B3GALT1: variants seen among roughly 807,000 people sequenced by gnomAD.
B3GALT1 encodes beta-1,3-galactosyltransferase 1.
B3GALT1 carries 10 observed loss-of-function variants against 23.2 expected under a neutral mutation model. The ratio of observed to expected loss-of-function variants is 0.43; its 90% CI spans 0.27 to 0.73. B3GALT1 has a LOEUF of 0.73. Ranked by LOEUF, B3GALT1 falls within the 30% of genes least tolerant of loss-of-function variation. B3GALT1 has a pLI of 0.21. For synonymous variants in B3GALT1, 156 were observed against 141.5 expected (o/e 1.10, Z -0.73); for missense variants, 299 against 405.4 (o/e 0.74, Z 2.25).
At chr2:167,393,589 A>G (rs1215592575) in intron 1 of B3GALT1, among the ~76,000 whole-genome samples, 1 of 152,222 alleles carries the variant, frequency 6.6e-6, no homozygotes, top group Non-Finnish European at 1.5e-5. Flanking sequence ...TAAAAAGGTA[A>G]ATTATGACAA....
At chr2:167,562,855 A>G (rs1220681163) in intron 2 of B3GALT1, among the ~76,000 whole-genome samples, 3 of 152,046 alleles carry the variant, frequency 2.0e-5, no homozygotes, top group Non-Finnish European at 4.4e-5. Flanking sequence ...ATGACTCTTA[A>G]GGAGCATGCT....
At chr2:167,416,001 GC>G (rs2105298526) in intron 1 of B3GALT1, among the ~76,000 whole-genome samples, 1 of 151,768 alleles carries the variant, frequency 6.6e-6, no homozygotes, top group East Asian at 1.9e-4. Flanking sequence ...GAAAAGAGAA[GC>G]AAAAAAAAAG....
rs980939263 is a variant in B3GALT1 at position 167,873,319 on chromosome 2, T to C, written c.*3299T>C. 6.6e-6 allele frequency: 1 copy of C among 152,202 alleles called. No homozygotes were observed. Among genetic ancestry groups the C allele is most frequent in the African/African-American group, 2.4e-5 (1 of 41,454 alleles). The allele number at this position is 152,202 out of a possible 1,614,324, so 9.4% of individuals were successfully genotyped here. On this transcript the variant is annotated 3_prime_UTR_variant, in exon 5 of 5. Transcript: ENST00000392690. ...TTCTTATATTGGAACAAGTGTCCAT[T>C]TCAATATGTAATATTGTATTTTTAA...
At chr2:167,827,591 C>T (rs34809127) in intron 4 of B3GALT1, among the ~76,000 whole-genome samples, 1 of 152,116 alleles carries the variant, frequency 6.6e-6, no homozygotes, top group Non-Finnish European at 1.5e-5. Context: ...CACCCCACCC[C>T]TTCCCTCTCT....
chr2:167,500,630 A>T (rs1699836842), intron 2 of B3GALT1, among the ~76,000 whole-genome samples: 2 of 114,390 alleles, frequency 1.7e-5, no homozygotes, highest in African/African-American at 8.7e-5. Flanking sequence ...AACTTGACTT[A>T]TAAGGAAAAA....
chr2:167,457,740 C>T (rs963234495), intron 1 of B3GALT1, among the ~76,000 whole-genome samples: 12 of 152,094 alleles, frequency 7.9e-5, no homozygotes, highest in Admixed American at 7.9e-4. Flanking sequence ...TTTGGTGTTA[C>T]TCTGAGTAAA....
chr2:167,346,559 A>G (rs185435536), intron 1 of B3GALT1, among the ~76,000 whole-genome samples: 20 of 152,320 alleles, frequency 1.3e-4, no homozygotes, highest in African/African-American at 4.6e-4. Context: ...GAATTAAGCA[A>G]TTTATTTGTA....
intron 1 of B3GALT1, among the ~76,000 whole-genome samples, chr2:167,354,018 G>T (rs115298366): frequency 1.3e-5 from 2 of 151,886 alleles, no homozygotes; most frequent in African/African-American, 4.8e-5. Context: ...TCCTTTTCTT[G>T]TTCTGTAAAG....
At chr2:167,606,010 G>A (rs1684956457) in intron 2 of B3GALT1, among the ~76,000 whole-genome samples, 4 of 152,072 alleles carry the variant, frequency 2.6e-5, no homozygotes, top group Non-Finnish European at 5.9e-5. Flanking sequence ...AAAGACTGTT[G>A]GTTATATCCT....
chr2:167,606,397 A>G (rs1404884381), intron 2 of B3GALT1, among the ~76,000 whole-genome samples: 1 of 152,232 alleles, frequency 6.6e-6, no homozygotes, highest in Non-Finnish European at 1.5e-5. Context: ...AGTCTCTGAA[A>G]AAATTATATC....
intron 3 of B3GALT1, among the ~76,000 whole-genome samples, chr2:167,795,376 A>G (rs974060730): frequency 1.3e-5 from 2 of 152,218 alleles, no homozygotes; most frequent in African/African-American, 4.8e-5. Context: ...GGGAAAAGCC[A>G]CAGAATAACT....
chr2:167,652,514 C>A (rs1415972321), intron 3 of B3GALT1, among the ~76,000 whole-genome samples: 1 of 152,164 alleles, frequency 6.6e-6, no homozygotes, highest in East Asian at 1.9e-4. Context: ...AGTATGTGTT[C>A]ATTCATCACA....
At chr2:167,557,690 C>G (rs1683878300) in intron 2 of B3GALT1, among the ~76,000 whole-genome samples, 1 of 152,174 alleles carries the variant, frequency 6.6e-6, no homozygotes, top group African/African-American at 2.4e-5. Context: ...TTCTTGGTAG[C>G]TGGTATGAGA....
At chr2:167,566,382 A>G (rs1684167378) in intron 2 of B3GALT1, among the ~76,000 whole-genome samples, 1 of 151,968 alleles carries the variant, frequency 6.6e-6, no homozygotes. Flanking sequence ...GGATAGCATT[A>G]GGAGATATAC....
chr2:167,497,271 A>G (rs141589753), intron 2 of B3GALT1, among the ~76,000 whole-genome samples: 10 of 152,092 alleles, frequency 6.6e-5, no homozygotes, highest in Non-Finnish European at 1.3e-4. Context: ...ATTAAATATG[A>G]TGGTTAGAAG....
chr2:167,689,487 A>T (rs1455162546), intron 3 of B3GALT1, among the ~76,000 whole-genome samples: 1 of 152,186 alleles, frequency 6.6e-6, no homozygotes, highest in African/African-American at 2.4e-5. Flanking sequence ...AGAACATGGC[A>T]AGCAAAGATA....
At chr2:167,571,556 A>T (rs1684293999) in intron 2 of B3GALT1, among the ~76,000 whole-genome samples, 1 of 151,846 alleles carries the variant, frequency 6.6e-6, no homozygotes. Context: ...AGCACCTCAC[A>T]CAGAGGGGTG....
At chr2:167,806,657 G>A (rs1198204252) in intron 3 of B3GALT1, among the ~76,000 whole-genome samples, 1 of 152,192 alleles carries the variant, frequency 6.6e-6, no homozygotes, top group Non-Finnish European at 1.5e-5. Context: ...TGCATCCCAG[G>A]GATGAAACCC....
At chr2:167,434,014 G>C (rs1445159610) in intron 1 of B3GALT1, among the ~76,000 whole-genome samples, 1 of 150,390 alleles carries the variant, frequency 6.6e-6, no homozygotes, top group African/African-American at 2.4e-5. Context: ...CCTCCAACTT[G>C]GGTAACAGAG....
Sources: allele counts gnomAD v4.1 joint callset (sites outside exome capture counted in the v4.1 genomes callset), GRCh38; gene constraint gnomAD v4.1.1; transcripts MANE v1.5; gene names NCBI Gene and HGNC (gene_info 2026-07-23, HGNC 2026-07-21).